NLK: variants seen among roughly 807,000 people sequenced by gnomAD.
NLK encodes the protein serine/threonine-protein kinase NLK.
In NLK, 11 loss-of-function variants were observed where a neutral mutation model predicts 59.0. That is an observed-to-expected ratio of 0.19 (90% CI 0.12 to 0.31). NLK has a LOEUF of 0.31. NLK is among the 10% of genes least tolerant of loss of function. NLK has a pLI of 1.00. For missense variants in NLK, 410 were observed against 661.1 expected (o/e 0.62, Z 4.16); for synonymous variants, 235 against 235.9 (o/e 1.00, Z 0.03).
chr17:28,145,422 A>T (rs1907203929), intron 3 of NLK, among the ~76,000 whole-genome samples: 1 of 152,232 alleles, frequency 6.6e-6, no homozygotes, highest in Non-Finnish European at 1.5e-5. Context: ...AGAGGTTCTC[A>T]GAGGTCTCAC....
At chr17:28,112,463 C>T (rs541288181) in intron 1 of NLK, among the ~76,000 whole-genome samples, 1 of 152,206 alleles carries the variant, frequency 6.6e-6, no homozygotes, top group South Asian at 2.1e-4. Flanking sequence ...GTGACTCCCA[C>T]TATTCTTACA....
At chr17:28,045,706 T>G (rs767529127) in intron 1 of NLK, among the ~76,000 whole-genome samples, 1 of 152,228 alleles carries the variant, frequency 6.6e-6, no homozygotes, top group Non-Finnish European at 1.5e-5. Flanking sequence ...ATTTAACTGT[T>G]GTATGACCTA....
At chr17:28,104,456 A>G (rs1462909591) in intron 1 of NLK, among the ~76,000 whole-genome samples, 2 of 151,946 alleles carry the variant, frequency 1.3e-5, no homozygotes, top group African/African-American at 4.8e-5. Flanking sequence ...AGGTTTCACC[A>G]TGTTGGTCAG....
intron 1 of NLK, among the ~76,000 whole-genome samples, chr17:28,045,806 T>A (rs1909031073): frequency 6.6e-6 from 1 of 152,232 alleles, no homozygotes; most frequent in African/African-American, 2.4e-5. Context: ...TGAGGTTTTT[T>A]ACTTTTTAAC....
At chr17:28,107,958 G>T (rs1905267849) in intron 1 of NLK, among the ~76,000 whole-genome samples, 1 of 152,148 alleles carries the variant, frequency 6.6e-6, no homozygotes, top group Non-Finnish European at 1.5e-5. Context: ...AACAGACTGG[G>T]TGCAGTGGCT....
At chr17:28,122,469 A>C in intron 1 of NLK, 134 bp from the exon 2 acceptor site, 1 of 877,820 alleles carries the variant, frequency 1.1e-6, no homozygotes, top group South Asian at 1.8e-5. Flanking sequence ...CTGACACCTT[A>C]AGCTTCATTA....
intron 1 of NLK, among the ~76,000 whole-genome samples, chr17:28,114,900 G>A (rs1314101296): frequency 6.6e-6 from 1 of 152,192 alleles, no homozygotes; most frequent in African/African-American, 2.4e-5. Context: ...TAGGTATAAA[G>A]TTGTCAAGTA....
At chr17:28,069,799 A>G (rs1434911162) in intron 1 of NLK, among the ~76,000 whole-genome samples, 1 of 152,066 alleles carries the variant, frequency 6.6e-6, no homozygotes, top group Non-Finnish European at 1.5e-5. Context: ...TGACAGATCA[A>G]TCTATTGTAT....
chr17:28,182,840 G>A (rs922590022), intron 7 of NLK, among the ~76,000 whole-genome samples: 4 of 152,256 alleles, frequency 2.6e-5, no homozygotes, highest in African/African-American at 4.8e-5. Context: ...GATACCACAC[G>A]GTTCACAGAT....
chr17:28,082,914 T>C (rs192798312), intron 1 of NLK, among the ~76,000 whole-genome samples: 4 of 152,232 alleles, frequency 2.6e-5, no homozygotes, highest in African/African-American at 9.6e-5. Flanking sequence ...GGCTATACTA[T>C]GTAGTCTAAT....
At chr17:28,175,547 C>T (rs923056586) in intron 7 of NLK, among the ~76,000 whole-genome samples, 1 of 152,018 alleles carries the variant, frequency 6.6e-6, no homozygotes, top group Non-Finnish European at 1.5e-5. Flanking sequence ...GGTTTTCAGA[C>T]AGATTGAGTA....
At chr17:28,204,217 G>A in the NLK span, among the ~76,000 whole-genome samples, 1 of 152,192 alleles carries the variant, frequency 6.6e-6, no homozygotes, top group Admixed American at 6.5e-5. Flanking sequence ...CTAGTCAGTG[G>A]CCAACCCAGT....
chr17:28,091,722 T>C (rs754741785), intron 1 of NLK, among the ~76,000 whole-genome samples: 3 of 152,190 alleles, frequency 2.0e-5, no homozygotes, highest in Non-Finnish European at 4.4e-5. Flanking sequence ...CAGTCTGATC[T>C]GTGGGTCATT....
chr17:28,175,233 C>G (rs1908629620), intron 7 of NLK, among the ~76,000 whole-genome samples: 1 of 151,048 alleles, frequency 6.6e-6, no homozygotes, highest in South Asian at 2.1e-4. Context: ...ATCACGAGGT[C>G]AGGAGATCGA....
intron 3 of NLK, among the ~76,000 whole-genome samples, chr17:28,140,936 C>T (rs143502112): frequency 8.5e-4 from 130 of 152,270 alleles, no homozygotes; most frequent in African/African-American, 2.9e-3. Context: ...TTCAATATCT[C>T]TAGTAACACT....
chr17:28,196,966 AT>A (rs1009865504), downstream of NLK, among the ~76,000 whole-genome samples: 5 of 152,016 alleles, frequency 3.3e-5, no homozygotes, highest in African/African-American at 7.2e-5. Context: ...AAATGAATGG[AT>A]TTTTTTTCCT....
chr17:28,082,094 A>C (rs1463633203), intron 1 of NLK, among the ~76,000 whole-genome samples: 1 of 152,076 alleles, frequency 6.6e-6, no homozygotes, highest in Non-Finnish European at 1.5e-5. Flanking sequence ...GGGTTTTGCT[A>C]TGTTGGCCAT....
At chr17:28,137,658 A>C (rs2142026211) in intron 3 of NLK, among the ~76,000 whole-genome samples, 1 of 152,258 alleles carries the variant, frequency 6.6e-6, no homozygotes, top group South Asian at 2.1e-4. Context: ...GTATTTCCTA[A>C]AAGAGACTGA....
chr17:28,050,531 G>T (rs905790735), intron 1 of NLK, among the ~76,000 whole-genome samples: 6 of 152,186 alleles, frequency 3.9e-5, no homozygotes, highest in African/African-American at 1.4e-4. Flanking sequence ...CCGTAGGCGG[G>T]CAATGATGAG....
Sources: gnomAD v4.1 joint callset for allele counts (sites outside exome capture counted in the v4.1 genomes callset) on GRCh38, gnomAD v4.1.1 for gene constraint, MANE v1.5 for transcripts, NCBI Gene and HGNC (gene_info 2026-07-23, HGNC 2026-07-21) for gene names.